Variants in ZHX2 observed in about 807,000 individuals in gnomAD.
ZHX2 encodes the protein zinc fingers and homeoboxes 2.
Under a neutral mutation model 21.9 loss-of-function variants are expected in ZHX2, and 6 were observed. The observed-to-expected ratio is 0.27, with a 90% confidence interval of 0.15 to 0.54. The LOEUF (loss-of-function observed/expected upper bound fraction) is 0.54, where lower values mean the gene tolerates loss of function less well. Among genes scored for constraint, ZHX2 ranks in the 20% least tolerant of loss-of-function variants. The pLI is 0.95. For synonymous variants in ZHX2, 434 were observed against 437.1 expected (o/e 0.99, Z 0.09); for missense variants, 908 against 1,090.7 (o/e 0.83, Z 2.36).
intron 1 of ZHX2, among the ~76,000 whole-genome samples, chr8:122,831,591 C>G (rs1449223228): frequency 6.6e-6 from 1 of 152,142 alleles, no homozygotes; most frequent in Non-Finnish European, 1.5e-5. Context: ...AGAAACTGGC[C>G]TTGCACGGGT....
At chr8:122,825,085 A>C (rs1352441050) in intron 1 of ZHX2, among the ~76,000 whole-genome samples, 1 of 152,206 alleles carries the variant, frequency 6.6e-6, no homozygotes, top group Non-Finnish European at 1.5e-5. Flanking sequence ...TCCTGAACCT[A>C]ATCGCATCTG....
intron 1 of ZHX2, among the ~76,000 whole-genome samples, chr8:122,792,028 T>C (rs74778165): frequency 0.025 from 3,836 of 152,290 alleles, 91 homozygotes; most frequent in Middle Eastern, 0.054. Context: ...TGACTTTTAG[T>C]GTATTTACAA....
At chr8:122,940,911 A>C (rs1239591809) in intron 2 of ZHX2, among the ~76,000 whole-genome samples, 1 of 152,080 alleles carries the variant, frequency 6.6e-6, no homozygotes, top group African/African-American at 2.4e-5. Context: ...CACAGCCATC[A>C]GTTGGTGTTC....
At chr8:122,791,234 T>C (rs1452071458) in intron 1 of ZHX2, among the ~76,000 whole-genome samples, 3 of 152,220 alleles carry the variant, frequency 2.0e-5, no homozygotes, top group Non-Finnish European at 2.9e-5. Context: ...CCAAATATCC[T>C]CACACCGTAG....
intron 3 of ZHX2, among the ~76,000 whole-genome samples, chr8:122,972,557 A>G (rs1813751742): frequency 6.6e-6 from 1 of 152,224 alleles, no homozygotes; most frequent in Non-Finnish European, 1.5e-5. Flanking sequence ...TACACCTCTT[A>G]GAATTCATAT....
At chr8:122,812,667 C>T (rs1294356087) in intron 1 of ZHX2, among the ~76,000 whole-genome samples, 1 of 152,180 alleles carries the variant, frequency 6.6e-6, no homozygotes, top group African/African-American at 2.4e-5. Flanking sequence ...TCTATGTTAA[C>T]TACAGTATTT....
chr8:122,907,166 A>G (rs1820368995), intron 2 of ZHX2, among the ~76,000 whole-genome samples: 1 of 152,168 alleles, frequency 6.6e-6, no homozygotes, highest in Non-Finnish European at 1.5e-5. Flanking sequence ...TAATTTTGCC[A>G]AGGTTGAGGC....
At position 122,951,979 on chromosome 8, in the gene ZHX2, G is replaced by A. The variant is rs967639977; in HGVS notation, c.469G>A (p.Glu157Lys). Residue 157 changes from glutamate (E) to lysine (K), a missense_variant, in exon 3 of 4, where the codon GAA becomes AAA. This residue lies in a region of ZHX2 where 220 missense variants were observed against 251.4 expected (regional missense o/e 0.88). Transcript: ENST00000314393. ...TCAAACTGTCTTGGAACAGTCCATCGAAACCACCAACCATGTCGTGTCCAT... is the reference window on the plus strand; with the variant it reads ...TCAAACTGTCTTGGAACAGTCCATCAAAACCACCAACCATGTCGTGTCCAT... ...NNQTVLEQSI[E>K]TTNHVVSITT... is the part of the protein sequence containing the mutation. 4.7e-5 allele frequency: 76 copies of A among 1,613,452 alleles called. No individual in the cohort carries two copies. Among genetic ancestry groups the A allele is most frequent in the Non-Finnish European group, 6.0e-5 (71 of 1,179,986 alleles).
intron 2 of ZHX2, among the ~76,000 whole-genome samples, chr8:122,931,791 T>C (rs1202001794): frequency 2.6e-5 from 4 of 152,214 alleles, no homozygotes; most frequent in Non-Finnish European, 4.4e-5. Flanking sequence ...ACATGATTTC[T>C]GATTTTAAAA....
intron 2 of ZHX2, among the ~76,000 whole-genome samples, chr8:122,894,647 G>A (rs1820054557): frequency 6.6e-6 from 1 of 152,150 alleles, no homozygotes; most frequent in African/African-American, 2.4e-5. Context: ...AGCCTGTTAT[G>A]GGGTGCGGGG....
rs796568028 is a variant in ZHX2, at chr8:122,957,377, TC to T, written c.*4+3352del. Among the ~76,000 whole-genome samples the T allele has an allele frequency of 6.0e-5, 9 of 150,360 alleles. 1 individual carries two copies. The highest frequency in any genetic ancestry group is 2.2e-4 in the African/African-American group (9 of 41,022). On this transcript the variant is annotated intron_variant, in intron 3 of 3. Transcript: ENST00000314393. Reference sequence around the variant, plus strand: ...TGCCCCACCTGTGAGCTAGAAAACATCCCTAAACAGGATGCTAAGATCTGTT... The same window carrying T: ...TGCCCCACCTGTGAGCTAGAAAACATCCTAAACAGGATGCTAAGATCTGTT...
intron 2 of ZHX2, among the ~76,000 whole-genome samples, chr8:122,903,484 G>A (rs938042109): frequency 1.3e-5 from 2 of 152,224 alleles, no homozygotes; most frequent in Non-Finnish European, 2.9e-5. Context: ...TATTATTGGA[G>A]AACGTGGGCA....
rs1813103015 is a variant in ZHX2 at position 122,951,303 on chromosome 8, C to T, written c.-208C>T. ...GTTCTTGTCCACAGATATGATGCTT[C>T]CTGGTGTGTTTAGTGGTTGGTGCCA... On this transcript the variant is annotated 5_prime_UTR_variant, in exon 3 of 4. Transcript: ENST00000314393. 2 of 571,840 alleles carry T rather than the reference C, an allele frequency of 3.5e-6. No homozygotes were observed. Among genetic ancestry groups the T allele is most frequent in the Non-Finnish European group, 6.2e-6 (2 of 321,248 alleles). 35.4% of individuals were successfully genotyped at this position (571,840 alleles called of 1,614,324 possible).
rs1373392316 is a variant in ZHX2, at chr8:122,788,325, AG to A, written c.-283+6381del. On this transcript the variant is annotated intron_variant, in intron 1 of 3. Coordinates refer to ENST00000314393, the MANE Select transcript of ZHX2 (RefSeq NM_014943.5). Reference sequence around the variant, plus strand: ...GTAATCCCAGCACTTTGGGAGGCCGAGGCAGGTGGATCGCTTGAGCTCAGGA... The same window carrying A: ...GTAATCCCAGCACTTTGGGAGGCCGAGCAGGTGGATCGCTTGAGCTCAGGA... Among the ~76,000 whole-genome samples, 73 of 152,342 alleles carry A rather than the reference AG, an allele frequency of 4.8e-4. 1 individual carries two copies. Among genetic ancestry groups the A allele is most frequent in the African/African-American group, 1.6e-3 (68 of 41,584 alleles).
intron 2 of ZHX2, among the ~76,000 whole-genome samples, chr8:122,896,372 T>C (rs1243479768): frequency 1.3e-5 from 2 of 152,200 alleles, no homozygotes; most frequent in Non-Finnish European, 2.9e-5. Flanking sequence ...CTTGGGATGA[T>C]GCAGCAGGAT....
chr8:122,921,254 T>C (rs1820731490), intron 2 of ZHX2, among the ~76,000 whole-genome samples: 2 of 152,092 alleles, frequency 1.3e-5, no homozygotes, highest in South Asian at 4.1e-4. Context: ...GCTAATTTTT[T>C]TGTATTTTTA....
intron 2 of ZHX2, among the ~76,000 whole-genome samples, chr8:122,880,141 T>G (rs1057245618): frequency 1.2e-4 from 18 of 151,712 alleles, no homozygotes; most frequent in African/African-American, 4.4e-4. Context: ...CTGGCTAATT[T>G]TTTTGTATTT....
intron 2 of ZHX2, among the ~76,000 whole-genome samples, chr8:122,879,160 A>G (rs1010195331): frequency 2.0e-5 from 3 of 152,182 alleles, no homozygotes; most frequent in Non-Finnish European, 4.4e-5. Flanking sequence ...TCTGCCTAGA[A>G]ATGGAGGTCA....
intron 1 of ZHX2, among the ~76,000 whole-genome samples, chr8:122,786,100 C>G (rs1470157115): frequency 6.6e-6 from 1 of 152,158 alleles, no homozygotes; most frequent in East Asian, 1.9e-4. Context: ...AATAAGAATC[C>G]AAACTTAACC....
Sources: gnomAD v4.1 joint callset for allele counts (sites outside exome capture counted in the v4.1 genomes callset) on GRCh38, gnomAD v4.1.1 for gene constraint, gnomAD v4.1.1 regional missense constraint, MANE v1.5 for transcripts, NCBI Gene and HGNC (gene_info 2026-07-23, HGNC 2026-07-21) for gene names.